The following NTM variants were observed in gnomAD, a reference collection of about 807,000 sequenced individuals.
NTM encodes the protein IgLON family member 2.
NTM carries 13 observed loss-of-function variants against 42.1 expected under a neutral mutation model. That is an observed-to-expected ratio of 0.31 (90% CI 0.20 to 0.49). The LOEUF is 0.49. NTM is among the 20% of genes least tolerant of loss of function. The pLI is 0.99. For missense variants in NTM, 373 were observed against 452.8 expected (o/e 0.82, Z 1.60); for synonymous variants, 187 against 179.2 (o/e 1.04, Z -0.35).
At chr11:132,252,557 C>G (rs1366476026) in intron 4 of NTM, among the ~76,000 whole-genome samples, 1 of 152,116 alleles carries the variant, frequency 6.6e-6, no homozygotes, top group Non-Finnish European at 1.5e-5. Context: ...TGGACAGAGG[C>G]ACCTGAGGCC....
intron 1 of NTM, among the ~76,000 whole-genome samples, chr11:131,419,712 T>A (rs1035781754): frequency 6.6e-6 from 1 of 152,086 alleles, no homozygotes; most frequent in Non-Finnish European, 1.5e-5. Flanking sequence ...TTATTTTAAG[T>A]GCAATGGCAA....
chr11:132,297,506 A>T (rs1310521308), intron 4 of NTM, among the ~76,000 whole-genome samples: 2 of 152,146 alleles, frequency 1.3e-5, no homozygotes. Context: ...GTGCATTTCA[A>T]CTTAGCTTTG....
At chr11:131,890,368 A>G (rs2051127735) in intron 1 of NTM, among the ~76,000 whole-genome samples, 1 of 152,166 alleles carries the variant, frequency 6.6e-6, no homozygotes, top group African/African-American at 2.4e-5. Context: ...TCATGACTGC[A>G]ATTAATTGGC....
At chr11:132,126,130 A>G in intron 2 of NTM, among the ~76,000 whole-genome samples, 1 of 152,124 alleles carries the variant, frequency 6.6e-6, no homozygotes, top group East Asian at 1.9e-4. Flanking sequence ...GAACGAGTGC[A>G]GAAATACAAA....
intron 1 of NTM, among the ~76,000 whole-genome samples, chr11:131,873,563 G>GTA (rs1491099817): frequency 6.2e-5 from 2 of 32,164 alleles, no homozygotes. Flanking sequence ...TATATATACC[G>GTA]TATATATATA....
At chr11:131,850,354 C>T (rs1366884910) in intron 1 of NTM, among the ~76,000 whole-genome samples, 1 of 152,162 alleles carries the variant, frequency 6.6e-6, no homozygotes, top group Non-Finnish European at 1.5e-5. Context: ...CTAGCACTAT[C>T]TCTTTGCCTT....
intron 2 of NTM, among the ~76,000 whole-genome samples, chr11:132,111,664 C>T (rs1566190845): frequency 6.6e-6 from 1 of 152,168 alleles, no homozygotes; most frequent in Non-Finnish European, 1.5e-5. Flanking sequence ...GAACTGACCT[C>T]CTGAAAACAG....
intron 2 of NTM, among the ~76,000 whole-genome samples, chr11:131,925,584 C>T (rs1396368761): frequency 6.6e-6 from 1 of 151,958 alleles, no homozygotes; most frequent in African/African-American, 2.4e-5. Flanking sequence ...CAGGGTTTCA[C>T]CATGTTGCCG....
At chr11:132,187,322 T>A (rs748321603) in intron 3 of NTM, among the ~76,000 whole-genome samples, 3 of 152,168 alleles carry the variant, frequency 2.0e-5, no homozygotes, top group Non-Finnish European at 4.4e-5. Context: ...CAACACCATA[T>A]CTGGCTTCTC....
At chr11:131,455,294 G>A (rs1384899428) in intron 1 of NTM, among the ~76,000 whole-genome samples, 1 of 152,188 alleles carries the variant, frequency 6.6e-6, no homozygotes, top group Admixed American at 6.5e-5. Flanking sequence ...GACGGCCCAA[G>A]CGGAGGCTCA....
chr11:131,386,521 G>T (rs78202350), intron 1 of NTM, among the ~76,000 whole-genome samples: 1 of 152,248 alleles, frequency 6.6e-6, no homozygotes, highest in Non-Finnish European at 1.5e-5. Context: ...TCAGCTGTCT[G>T]TGGTGTAGGA....
At chr11:131,763,707 C>CTTT (rs1443279848) in intron 1 of NTM, among the ~76,000 whole-genome samples, 7 of 60,796 alleles carry the variant, frequency 1.2e-4, no homozygotes, top group Admixed American at 2.3e-4. Context: ...CCATCTCTCT[C>CTTT]TCTTTTTTTT....
Position 132,041,243 on chromosome 11 carries a change from GA to G in NTM, c.168-105038del, listed in dbSNP as rs1177967065. 6.6e-5 allele frequency among the ~76,000 whole-genome samples: 10 copies of G among 151,984 alleles called. 1 individual carries two copies. In the South Asian group the frequency reaches 2.1e-3, roughly 32 times the overall value. On this transcript the variant is annotated intron_variant, in intron 2 of 8. Transcript: ENST00000683400. ...AGAGAGAGATAGATAGAGAGAGAGA[GA>G]GAGAGAGAGAGAGAAAGTGAGAAGT...
At chr11:131,524,928 G>A (rs1243276750) in intron 1 of NTM, among the ~76,000 whole-genome samples, 1 of 152,210 alleles carries the variant, frequency 6.6e-6, no homozygotes, top group Admixed American at 6.5e-5. Flanking sequence ...TTGCCTAATG[G>A]CACTGTCATG....
intron 1 of NTM, among the ~76,000 whole-genome samples, chr11:131,849,893 G>A (rs990877065): frequency 6.6e-6 from 1 of 151,304 alleles, no homozygotes; most frequent in Non-Finnish European, 1.5e-5. Context: ...AATGGGTGCA[G>A]CACACCAACA....
At position 131,987,378 on chromosome 11, in the gene NTM, CCTATTCTATTCTATTCTATTCTATT is replaced by C. The variant is rs60741014; in HGVS notation, c.167+75761_167+75785del. The stretch of plus-strand genomic sequence containing the variant: ...AAACATGTTATTCTGTCCTATTCCT[CCTATTCTATTCTATTCTATTCTATT>C]CTATTCTATTCTATTCTATTCTATT... On this transcript the variant is annotated intron_variant, in intron 2 of 8. Transcript: ENST00000683400. Among the ~76,000 whole-genome samples the C allele has an allele frequency of 2.4e-4, 36 of 147,914 alleles. No homozygotes were observed. In the South Asian group the frequency reaches 2.5e-3, roughly 10 times the overall value.
chr11:132,325,202 G>A (rs1167884115), intron 7 of NTM, among the ~76,000 whole-genome samples: 3 of 151,902 alleles, frequency 2.0e-5, no homozygotes, highest in Non-Finnish European at 4.4e-5. Context: ...CTTCTGCACA[G>A]CAAAAGAAAC....
intron 1 of NTM, among the ~76,000 whole-genome samples, chr11:131,875,231 A>G (rs1050088329): frequency 4.0e-5 from 6 of 151,782 alleles, no homozygotes; most frequent in African/African-American, 1.5e-4. Flanking sequence ...GGTTTTATAC[A>G]TTGGGCTTCC....
rs866189105 is a variant in NTM at position 132,104,963 on chromosome 11, A to G, written c.168-41319A>G. Among the ~76,000 whole-genome samples the G allele has an allele frequency of 8.5e-3, 984 of 115,226 alleles. 87 individuals are homozygous for G. The highest frequency in any genetic ancestry group is 0.029 in the African/African-American group (858 of 29,982). The allele number at this position is 115,226 out of a possible 152,430, so 75.6% of individuals were successfully genotyped here. A position where few individuals can be genotyped will look rare whatever the true frequency, so the allele number is the denominator to read the frequency against. ...TATATATATATATATATATATATAT[A>G]TATATATATATATATATATATATAT... On this transcript the variant is annotated intron_variant, in intron 2 of 8. Transcript: ENST00000683400.
Sources: allele counts gnomAD v4.1 joint callset (sites outside exome capture counted in the v4.1 genomes callset), GRCh38; gene constraint gnomAD v4.1.1; transcripts MANE v1.5; gene names NCBI Gene and HGNC (gene_info 2026-07-23, HGNC 2026-07-21).